Variants in CTIF observed in about 807,000 individuals in gnomAD.
CTIF encodes the protein CBP80/20-dependent translation initiation factor.
CTIF carries 21 observed loss-of-function variants against 66.0 expected under a neutral mutation model. That is an observed-to-expected ratio of 0.32 (90% CI 0.23 to 0.46). The LOEUF (loss-of-function observed/expected upper bound fraction) is 0.46. Ranked by LOEUF, CTIF falls within the 20% of genes least tolerant of loss-of-function variation. The pLI, the probability that CTIF is intolerant of heterozygous loss-of-function variation, is 1.00. For missense variants in CTIF, 739 were observed against 812.7 expected, an observed-to-expected ratio of 0.91 and a Z score of 1.10; for synonymous variants, 345 against 326.4, an observed-to-expected ratio of 1.06 and a Z score of -0.62.
chr18:48,592,390 G>A (rs193170351), intron 1 of CTIF, among the ~76,000 whole-genome samples: 26 of 152,030 alleles, frequency 1.7e-4, no homozygotes, highest in Admixed American at 1.2e-3. Context: ...CCAGCTACTC[G>A]GGAGGCTGAG....
intron 9 of CTIF, among the ~76,000 whole-genome samples, chr18:48,791,500 C>A (rs2067791584): frequency 6.6e-6 from 1 of 152,228 alleles, no homozygotes; most frequent in South Asian, 2.1e-4. Context: ...CCCCAGCCCC[C>A]AAGCTGAGTG....
intron 7 of CTIF, among the ~76,000 whole-genome samples, chr18:48,722,276 C>T (rs1270483620): frequency 6.9e-6 from 1 of 143,962 alleles, no homozygotes; most frequent in African/African-American, 2.6e-5. Context: ...GTTGCAGTGG[C>T]ACAATTATAG....
intron 9 of CTIF, among the ~76,000 whole-genome samples, chr18:48,788,074 G>C (rs1911874113): frequency 6.6e-6 from 1 of 152,252 alleles, no homozygotes; most frequent in East Asian, 1.9e-4. Flanking sequence ...CTTGAGCTGG[G>C]ACCCCCCCTT....
rs796966315 is a variant in CTIF at position 48,734,186 on chromosome 18, C to CA, written c.584+22493dup. ...GAGTCCCCACCCACTTCCCCTGGGA[C>CA]AAGGAGTGGGGAGACCCTCGGCTGC... On this transcript the variant is annotated intron_variant, in intron 7 of 11. Coordinates refer to ENST00000256413, the MANE Select transcript of CTIF (RefSeq NM_014772.3). 7.2e-5 allele frequency among the ~76,000 whole-genome samples: 11 copies of CA among 152,364 alleles called. No individual in the cohort carries two copies. In the East Asian group the frequency reaches 1.4e-3, roughly 19 times the overall value.
At chr18:48,693,702 T>C (rs757067782) in intron 6 of CTIF, among the ~76,000 whole-genome samples, 1 of 152,172 alleles carries the variant, frequency 6.6e-6, no homozygotes, top group Non-Finnish European at 1.5e-5. Context: ...GTCTCCAACA[T>C]GTCTCCAGTG....
chr18:48,830,099 C>T (rs1480655217), intron 10 of CTIF, among the ~76,000 whole-genome samples: 2 of 152,152 alleles, frequency 1.3e-5, no homozygotes, highest in African/African-American at 2.4e-5. Flanking sequence ...AGGTGGGTTT[C>T]GGAGGCAGAC....
At chr18:48,735,027 A>G (rs1451965066) in intron 7 of CTIF, among the ~76,000 whole-genome samples, 1 of 152,172 alleles carries the variant, frequency 6.6e-6, no homozygotes, top group Non-Finnish European at 1.5e-5. Flanking sequence ...TGTGTGCAAT[A>G]TGTGTACAAG....
intron 3 of CTIF, among the ~76,000 whole-genome samples, chr18:48,662,834 C>A (rs1201744317): frequency 6.6e-6 from 1 of 152,020 alleles, no homozygotes; most frequent in Non-Finnish European, 1.5e-5. Flanking sequence ...TGTTATTTTA[C>A]TTTGTTTGTG....
At chr18:48,841,525 G>A (rs542760248) in intron 10 of CTIF, among the ~76,000 whole-genome samples, 216 of 152,340 alleles carry the variant, frequency 1.4e-3, no homozygotes, top group African/African-American at 4.8e-3. Context: ...AGCCAGGCCC[G>A]GCGTTCTGAG....
At chr18:48,623,421 C>T (rs1414885296) in intron 2 of CTIF, among the ~76,000 whole-genome samples, 1 of 152,114 alleles carries the variant, frequency 6.6e-6, no homozygotes, top group African/African-American at 2.4e-5. Flanking sequence ...GGAAGAGGGA[C>T]GGCTGTGGCC....
intron 10 of CTIF, among the ~76,000 whole-genome samples, chr18:48,852,049 T>C (rs930177385): frequency 2.0e-5 from 3 of 151,606 alleles, no homozygotes; most frequent in Non-Finnish European, 4.4e-5. Flanking sequence ...CTGGGCAACA[T>C]AGTGAGATCT....
intron 7 of CTIF, among the ~76,000 whole-genome samples, chr18:48,731,227 C>A (rs1474673528): frequency 6.6e-6 from 1 of 152,134 alleles, no homozygotes; most frequent in African/African-American, 2.4e-5. Flanking sequence ...TCCTGCAGCA[C>A]CTTCTCTCAA....
At chr18:48,729,862 G>A (rs2092422095) in intron 7 of CTIF, among the ~76,000 whole-genome samples, 1 of 152,194 alleles carries the variant, frequency 6.6e-6, no homozygotes, top group South Asian at 2.1e-4. Context: ...TTGTGAGGGA[G>A]CACCCAGTGG....
chr18:48,742,962 T>C (rs2092567387), intron 7 of CTIF, among the ~76,000 whole-genome samples: 1 of 152,258 alleles, frequency 6.6e-6, no homozygotes, highest in African/African-American at 2.4e-5. Flanking sequence ...AGAGCCACTC[T>C]GGTGGTTTTG....
chr18:48,660,888 A>G (rs1326842019), intron 3 of CTIF, among the ~76,000 whole-genome samples: 1 of 152,172 alleles, frequency 6.6e-6, no homozygotes, highest in Admixed American at 6.5e-5. Context: ...GACCTTCTCT[A>G]CATAGTTGCT....
chr18:48,744,996 G>T (rs1395569692), intron 7 of CTIF, among the ~76,000 whole-genome samples: 1 of 152,136 alleles, frequency 6.6e-6, no homozygotes, highest in East Asian at 1.9e-4. Context: ...CTAATTTTTT[G>T]TATTTTTAGT....
chr18:48,777,439 G>C (rs1230386706), intron 9 of CTIF, among the ~76,000 whole-genome samples: 1 of 152,224 alleles, frequency 6.6e-6, no homozygotes, highest in Non-Finnish European at 1.5e-5. Flanking sequence ...CTCAGGCTGA[G>C]AGTTGGACTA....
At chr18:48,648,524 A>G (rs1438285081) in intron 3 of CTIF, among the ~76,000 whole-genome samples, 2 of 150,230 alleles carry the variant, frequency 1.3e-5, no homozygotes, top group African/African-American at 2.4e-5. Flanking sequence ...TGGTGTTGCC[A>G]TGATAGGCCT....
chr18:48,758,423 T>C lies in CTIF; in HGVS notation c.1071+18T>C. The C allele has an allele frequency of 1.3e-6, 2 of 1,560,768 alleles. No individual in the cohort carries two copies. The highest frequency in any genetic ancestry group is 1.7e-6 in the Non-Finnish European group (2 of 1,154,226). ...AGGAAAAGGTACCGGTAATTGAATTTTTGTTCTTCTCTTGCACCAGGGAGG... is the reference window on the plus strand; with the variant it reads ...AGGAAAAGGTACCGGTAATTGAATTCTTGTTCTTCTCTTGCACCAGGGAGG... On this transcript the variant is annotated intron_variant, in intron 8 of 11. Transcript: ENST00000256413.
Sources: allele counts gnomAD v4.1 joint callset (sites outside exome capture counted in the v4.1 genomes callset), GRCh38; gene constraint gnomAD v4.1.1; transcripts MANE v1.5; gene names NCBI Gene and HGNC (gene_info 2026-07-23, HGNC 2026-07-21).